ITGBL1: variants seen among roughly 807,000 people sequenced by gnomAD.
ITGBL1 encodes the protein integrin beta-like protein 1.
A neutral mutation model predicts 68.5 loss-of-function variants in ITGBL1; 51 were observed. The observed-to-expected ratio is 0.74, with a 90% CI of 0.59 to 0.94. The LOEUF (loss-of-function observed/expected upper bound fraction) is 0.94. ITGBL1 is among the 40% of genes least tolerant of loss of function. The pLI, the probability that ITGBL1 is intolerant of heterozygous loss-of-function variation, is 0.00. For missense variants in ITGBL1, 649 were observed against 647.4 expected (o/e 1.00, Z -0.03); for synonymous variants, 209 against 227.3 (o/e 0.92, Z 0.72).
chr13:101,717,706 A>AC (rs542379217), downstream of ITGBL1: 16 of 152,096 alleles, frequency 1.1e-4, no homozygotes, highest in Non-Finnish European at 2.4e-4. Context: ...CTGTAAAAAA[A>AC]ATTTAAAAAA....
At chr13:101,534,629 C>G (rs2049539709) in intron 2 of ITGBL1, among the ~76,000 whole-genome samples, 1 of 151,974 alleles carries the variant, frequency 6.6e-6, no homozygotes, top group African/African-American at 2.4e-5. Flanking sequence ...CCTCCATCTT[C>G]CTGATGAAGC....
intron 7 of ITGBL1, among the ~76,000 whole-genome samples, chr13:101,662,554 G>C (rs2139481607): frequency 6.6e-6 from 1 of 152,162 alleles, no homozygotes; most frequent in Non-Finnish European, 1.5e-5. Context: ...ACATTTGGTT[G>C]TTCTTACTTT....
chr13:101,555,850 A>G (rs780800814), intron 2 of ITGBL1, among the ~76,000 whole-genome samples: 2 of 152,166 alleles, frequency 1.3e-5, no homozygotes, highest in Non-Finnish European at 2.9e-5. Flanking sequence ...ACCCAGATGC[A>G]CTATTAGTAT....
chr13:101,659,174 C>T (rs2033017407), intron 7 of ITGBL1, among the ~76,000 whole-genome samples: 1 of 151,610 alleles, frequency 6.6e-6, no homozygotes, highest in African/African-American at 2.4e-5. Flanking sequence ...ATTCCCCTGC[C>T]TCAGCCTCCA....
At chr13:101,606,801 G>A (rs2030888428) in intron 7 of ITGBL1, among the ~76,000 whole-genome samples, 1 of 151,970 alleles carries the variant, frequency 6.6e-6, no homozygotes, top group Admixed American at 6.6e-5. Flanking sequence ...ATGTGAATGA[G>A]AAAGAAACAC....
chr13:101,582,884 C>T (rs1218658629), intron 5 of ITGBL1, among the ~76,000 whole-genome samples: 2 of 152,078 alleles, frequency 1.3e-5, no homozygotes, highest in African/African-American at 4.8e-5. Context: ...TTCTAATTAG[C>T]TTTCTATTTG....
rs1379892454 is a variant in ITGBL1, at chr13:101,462,953, A to G, written c.316+8853A>G. ...GCATGAAGAGAGGGACTTAAGCCCA[A>G]CAGTTGCCTGCATTCAGTTCCTGAC... On this transcript the variant is annotated intron_variant, in intron 2 of 10. Coordinates refer to ENST00000376180, the MANE Select transcript of ITGBL1 (RefSeq NM_004791.3). Among the ~76,000 whole-genome samples the G allele has an allele frequency of 2.0e-5, 3 of 152,202 alleles. No individual in the cohort carries two copies. In the East Asian group the frequency reaches 5.8e-4, roughly 29 times the overall value.
chr13:101,605,610 GTA>G lies in ITGBL1; in HGVS notation c.1015+7320_1015+7321del, dbSNP rs536387142. Among the ~76,000 whole-genome samples the G allele has an allele frequency of 9.3e-3, 1,402 of 150,132 alleles. 16 individuals are homozygous for G. The highest frequency in any genetic ancestry group is 0.029 in the African/African-American group (1,192 of 41,266). On this transcript the variant is annotated intron_variant, in intron 7 of 10. Transcript: ENST00000376180. Reference sequence around the variant, plus strand: ...TTTAGACACGTACGTGTGTATATGCGTATATATATACACGTATGTAGACATGT... The same window carrying G: ...TTTAGACACGTACGTGTGTATATGCGTATATATACACGTATGTAGACATGT...
Position 101,692,610 on chromosome 13 carries a change from C to T in ITGBL1, c.1041C>T (p.Thr347=). 1 of 1,613,536 alleles carries T rather than the reference C, an allele frequency of 6.2e-7. No homozygotes were observed. The highest frequency in any genetic ancestry group is 8.5e-7 in the Non-Finnish European group (1 of 1,179,568). The change falls in exon 8 of 11, where the codon ACC becomes ACT. Residue 347 remains threonine (T), a synonymous_variant. Transcript: ENST00000376180. ...GTAAATGTGAATGTGGCAAATGCACCTGCTATCCTCCAGGAGATCGCCGGG... is the reference window on the plus strand; with the variant it reads ...GTAAATGTGAATGTGGCAAATGCACTTGCTATCCTCCAGGAGATCGCCGGG... ...GRGKCECGKC[T]CYPPGDRRVY...
At chr13:101,478,697 A>C (rs535228075) in intron 2 of ITGBL1, among the ~76,000 whole-genome samples, 1 of 152,226 alleles carries the variant, frequency 6.6e-6, no homozygotes, top group Non-Finnish European at 1.5e-5. Context: ...AACAATTTGA[A>C]AAAGAAATCA....
intron 2 of ITGBL1, among the ~76,000 whole-genome samples, chr13:101,471,227 G>A (rs1033154594): frequency 6.6e-6 from 1 of 152,182 alleles, no homozygotes; most frequent in African/African-American, 2.4e-5. Flanking sequence ...ATTTTGGGAA[G>A]TTAGTTGATT....
intron 2 of ITGBL1, among the ~76,000 whole-genome samples, chr13:101,564,011 C>T (rs1266972794): frequency 6.6e-6 from 1 of 151,842 alleles, no homozygotes; most frequent in Non-Finnish European, 1.5e-5. Flanking sequence ...ATTAAAAAAT[C>T]AACCAATGTA....
At chr13:101,542,318 G>A (rs1238914652) in intron 2 of ITGBL1, among the ~76,000 whole-genome samples, 1 of 152,208 alleles carries the variant, frequency 6.6e-6, no homozygotes, top group Non-Finnish European at 1.5e-5. Context: ...GATGTACCCA[G>A]TATTCATTCA....
At chr13:101,655,513 C>A (rs564046011) in intron 7 of ITGBL1, among the ~76,000 whole-genome samples, 62 of 152,170 alleles carry the variant, frequency 4.1e-4, no homozygotes, top group Non-Finnish European at 6.8e-4. Context: ...GAATTGAGAA[C>A]AACCTGGTGT....
chr13:101,666,752 T>C (rs1292859216), intron 7 of ITGBL1, among the ~76,000 whole-genome samples: 1 of 152,180 alleles, frequency 6.6e-6, no homozygotes, highest in Non-Finnish European at 1.5e-5. Flanking sequence ...TGAAAGTCAC[T>C]AGAGCAGTCA....
chr13:101,597,166 G>T (rs2030020755), intron 6 of ITGBL1, among the ~76,000 whole-genome samples: 2 of 152,100 alleles, frequency 1.3e-5, no homozygotes, highest in South Asian at 4.2e-4. Context: ...GCACGTGAGG[G>T]AGAAGGAGGT....
At chr13:101,558,247 G>A (rs936528472) in intron 2 of ITGBL1, among the ~76,000 whole-genome samples, 1 of 152,030 alleles carries the variant, frequency 6.6e-6, no homozygotes, top group African/African-American at 2.4e-5. Flanking sequence ...TCACTTACAA[G>A]AGAATGAGCT....
chr13:101,559,745 T>C (rs1017044690), intron 2 of ITGBL1, among the ~76,000 whole-genome samples: 10 of 152,222 alleles, frequency 6.6e-5, no homozygotes, highest in African/African-American at 2.4e-4. Flanking sequence ...CTCTGCTCAG[T>C]CTTTTCACTT....
intron 9 of ITGBL1, 71 bp downstream of exon 9, chr13:101,706,973 A>T: frequency 6.6e-7 from 1 of 1,507,578 alleles, no homozygotes; most frequent in Non-Finnish European, 9.1e-7. Flanking sequence ...GCATGTAGCA[A>T]CTGTCTTTCC....
Sources: allele counts gnomAD v4.1 joint callset (sites outside exome capture counted in the v4.1 genomes callset), GRCh38; gene constraint gnomAD v4.1.1; transcripts MANE v1.5; gene names NCBI Gene and HGNC (gene_info 2026-07-23, HGNC 2026-07-21).